MGAT5: variants seen among roughly 807,000 people sequenced by gnomAD.
MGAT5 encodes the protein alpha-1,6-mannosylglycoprotein 6-beta-N-acetylglucosaminyltransferase, also known as alpha-1,6-mannosylglycoprotein 6-beta-N-acetylglucosaminyltransferase A.
Under a neutral mutation model 94.3 loss-of-function variants are expected in MGAT5, and 30 were observed. The ratio of observed to expected loss-of-function variants is 0.32; its 90% confidence interval spans 0.24 to 0.43. MGAT5 has a LOEUF of 0.43. MGAT5 is among the 20% of genes least tolerant of loss of function. MGAT5 has a pLI of 1.00. For missense variants in MGAT5, 691 were observed against 905.5 expected (o/e 0.76, Z 3.04); for synonymous variants, 310 against 322.9 (o/e 0.96, Z 0.43).
rs540143178 is a variant in MGAT5 at position 134,143,474 on chromosome 2, A to G, written c.-143+23183A>G. Among the ~76,000 whole-genome samples, 5 of 152,294 alleles carry G rather than the reference A, an allele frequency of 3.3e-5. No homozygotes were observed. In the South Asian group the frequency reaches 1.0e-3, roughly 32 times the overall value. On this transcript the variant is annotated intron_variant, in intron 1 of 16. Transcript: ENST00000409645. ...GGAGCTTTGTTTTCATGATCTTCCC[A>G]ACTCCTGACATGTTCTTGTTTCCTA...
At chr2:134,201,816 C>CTTTTTTT (rs554227745) in intron 1 of MGAT5, among the ~76,000 whole-genome samples, 9 of 67,860 alleles carry the variant, frequency 1.3e-4, no homozygotes, top group South Asian at 7.7e-4. Flanking sequence ...CCAAGCGCTG[C>CTTTTTTT]TTTTTTTTTT....
chr2:134,441,908 A>G lies in MGAT5; in HGVS notation c.2020A>G (p.Met674Val). 6.4e-7 allele frequency: 1 copy of G among 1,560,860 alleles called. No individual in the cohort carries two copies. The highest frequency in any genetic ancestry group is 8.8e-7 in the Non-Finnish European group (1 of 1,133,472). Residue 674 changes from methionine (M) to valine (V), a missense_variant, in exon 15 of 16, where the codon ATG (methionine) becomes GTG (valine). Around this residue, in one of 4 missense-constraint regions of MGAT5, gnomAD observed 260 missense variants for 347.0 expected, o/e 0.75. Coordinates refer to ENST00000281923, the MANE Select transcript of MGAT5 (RefSeq NM_002410.5). Reference protein sequence around the residue: ...FFQHLNKDKDMLKYKVTCQSS... With the variant: ...FFQHLNKDKDVLKYKVTCQSS... ...CCAGCACCTCAACAAGGACAAGGAC[A>G]TGCTGAAGTAAGTGCCCTGGGGTGG...
At chr2:134,238,001 G>T (rs1209305297) in intron 1 of MGAT5, among the ~76,000 whole-genome samples, 3 of 152,038 alleles carry the variant, frequency 2.0e-5, no homozygotes, top group African/African-American at 7.2e-5. Flanking sequence ...CGCCCACCTT[G>T]ACCTCCCAAA....
intron 1 of MGAT5, among the ~76,000 whole-genome samples, chr2:134,263,921 A>C (rs1683493478): frequency 6.6e-6 from 1 of 152,140 alleles, no homozygotes; most frequent in East Asian, 1.9e-4. Flanking sequence ...TCTTTAAAAA[A>C]AAAAAGTGAT....
At chr2:134,332,649 G>T (rs927623395) in intron 4 of MGAT5, among the ~76,000 whole-genome samples, 11 of 151,972 alleles carry the variant, frequency 7.2e-5, no homozygotes, top group African/African-American at 2.4e-4. Context: ...GAGTGAACAG[G>T]CAACCTACGA....
At chr2:134,380,172 G>A (rs962532625) in intron 10 of MGAT5, among the ~76,000 whole-genome samples, 1 of 152,124 alleles carries the variant, frequency 6.6e-6, no homozygotes, top group Non-Finnish European at 1.5e-5. Context: ...GGGTTTAAGA[G>A]GTCATTTTCT....
rs576927354 is a variant in MGAT5, at chr2:134,297,336, T to C, written c.407-20193T>C. Among the ~76,000 whole-genome samples, 151 of 152,114 alleles carry C rather than the reference T, an allele frequency of 9.9e-4. No homozygotes were observed. In the Middle Eastern group the frequency reaches 0.014, roughly 14 times the overall value. ...TTCTTTTAGGTATGTTAAGAGGAAATGACACTGATTCTTCACAGATTCTTC... is the reference window on the plus strand; with the variant it reads ...TTCTTTTAGGTATGTTAAGAGGAAACGACACTGATTCTTCACAGATTCTTC... On this transcript the variant is annotated intron_variant, in intron 2 of 15. Coordinates refer to ENST00000281923, the MANE Select transcript of MGAT5 (RefSeq NM_002410.5).
intron 1 of MGAT5, among the ~76,000 whole-genome samples, chr2:134,179,441 C>T (rs1688630739): frequency 6.6e-6 from 1 of 152,154 alleles, no homozygotes; most frequent in Non-Finnish European, 1.5e-5. Context: ...ATGTTGTGAC[C>T]AGGGGCTCGC....
intron 11 of MGAT5, among the ~76,000 whole-genome samples, chr2:134,409,738 C>T (rs1356108622): frequency 6.6e-6 from 1 of 152,202 alleles, no homozygotes; most frequent in African/African-American, 2.4e-5. Context: ...TTTAAGTACT[C>T]CACTTAGCAG....
chr2:134,390,887 A>G (rs1300294258), intron 10 of MGAT5, among the ~76,000 whole-genome samples: 1 of 152,130 alleles, frequency 6.6e-6, no homozygotes, highest in Non-Finnish European at 1.5e-5. Flanking sequence ...GGTTTCTTTT[A>G]CTGGATAAAC....
At chr2:134,427,666 T>A (rs1312110868) in intron 13 of MGAT5, among the ~76,000 whole-genome samples, 2 of 152,234 alleles carry the variant, frequency 1.3e-5, no homozygotes, top group Non-Finnish European at 2.9e-5. Context: ...TTCAGCATCT[T>A]GGCCCTCTCC....
chr2:134,440,679 A>T (rs1379984221), intron 14 of MGAT5, among the ~76,000 whole-genome samples: 1 of 152,248 alleles, frequency 6.6e-6, no homozygotes, highest in Non-Finnish European at 1.5e-5. Flanking sequence ...ATAATCATAC[A>T]CATGCAAGAA....
At position 134,222,345 on chromosome 2, in the gene MGAT5, A is replaced by G. The variant is rs60208750; in HGVS notation, c.-142-31917A>G. On this transcript the variant is annotated intron_variant, in intron 1 of 16. Coordinates refer to the MGAT5 transcript ENST00000409645. The stretch of plus-strand genomic sequence containing the variant: ...AGGGCAGTAAACAACCCAATCAGCC[A>G]GAAAAAAAAACCCCTGCGTGCATCA... Among the ~76,000 whole-genome samples, 870 of 151,890 alleles carry G rather than the reference A, an allele frequency of 5.7e-3. 12 individuals are homozygous for G. The highest frequency in any genetic ancestry group is 0.02 in the African/African-American group (830 of 41,286).
intron 8 of MGAT5, 66 bp from the exon 9 acceptor site, chr2:134,349,722 TCTTGAAGGAAGGGTTAG>T: frequency 3.4e-6 from 5 of 1,482,354 alleles, no homozygotes; most frequent in Non-Finnish European, 4.6e-6. Context: ...TTTTTAGTAG[TCTTGAAGGAAGGGTTAG>T]AGCTTTTACC....
In MGAT5 at chr2:134,325,010, TA is replaced by T. The variant is rs34721704; in HGVS notation, c.573+6284del. ...CTAAGACATCCTTAGTAAAAGAATT[TA>T]AAAAAAAAAAAATCCTGAGTTTACA... On this transcript the variant is annotated intron_variant, in intron 4 of 15. Transcript: ENST00000281923. 4.8e-3 allele frequency among the ~76,000 whole-genome samples: 704 copies of T among 148,140 alleles called. 7 individuals carry two copies. The highest frequency in any genetic ancestry group is 0.016 in the African/African-American group (647 of 40,222).
At position 134,346,347 on chromosome 2, in the gene MGAT5, G is replaced by T. The variant is rs564192010; in HGVS notation, c.1112+1283G>T. Among the ~76,000 whole-genome samples the T allele has an allele frequency of 2.5e-3, 379 of 152,278 alleles. 1 individual carries two copies. Among genetic ancestry groups the T allele is most frequent in the Non-Finnish European group, 2.0e-3 (136 of 68,006 alleles). On this transcript the variant is annotated intron_variant, in intron 8 of 15. Coordinates refer to ENST00000281923, the MANE Select transcript of MGAT5 (RefSeq NM_002410.5). ...ATTTGATTTCTTGTTGGATGAAAAG[G>T]CACCATCTCAGAGGGGGTTTTATGG...
intron 1 of MGAT5, among the ~76,000 whole-genome samples, chr2:134,230,330 G>T (rs960956439): frequency 1.7e-4 from 26 of 152,144 alleles, no homozygotes; most frequent in African/African-American, 6.3e-4. Context: ...CTGCTGTGTG[G>T]CCCAGTTCCT....
intron 1 of MGAT5, among the ~76,000 whole-genome samples, chr2:134,212,810 T>C (rs1680270986): frequency 6.6e-6 from 1 of 152,188 alleles, no homozygotes; most frequent in Non-Finnish European, 1.5e-5. Flanking sequence ...CCAGAGATAA[T>C]CCTCTATTAT....
chr2:134,121,989 C>T (rs1195044383), intron 1 of MGAT5, among the ~76,000 whole-genome samples: 1 of 152,148 alleles, frequency 6.6e-6, no homozygotes, highest in African/African-American at 2.4e-5. Flanking sequence ...AATGAATTTT[C>T]ACCCTCCTCC....
Sources: allele counts gnomAD v4.1 joint callset (sites outside exome capture counted in the v4.1 genomes callset), GRCh38; gene constraint gnomAD v4.1.1; regional missense constraint gnomAD v4.1.1; transcripts MANE v1.5; gene names NCBI Gene and HGNC (gene_info 2026-07-23, HGNC 2026-07-21).